Variants in HIP1 observed in about 807,000 individuals in gnomAD.
HIP1 encodes the protein huntingtin-interacting protein 1.
Under a neutral mutation model 147.6 loss-of-function variants are expected in HIP1, and 65 were observed. The ratio of observed to expected loss-of-function variants is 0.44; its 90% CI spans 0.36 to 0.54. The LOEUF (loss-of-function observed/expected upper bound fraction) is 0.54. HIP1 is among the 20% of genes least tolerant of loss of function. The pLI is 0.00. For synonymous variants in HIP1, 479 were observed against 504.0 expected, an observed-to-expected ratio of 0.95 and a Z score of 0.67; for missense variants, 1,061 against 1,299.6, an observed-to-expected ratio of 0.82 and a Z score of 2.82.
intron 1 of HIP1, among the ~76,000 whole-genome samples, chr7:75,637,338 C>T (rs535383356): frequency 3.3e-5 from 5 of 152,268 alleles, no homozygotes; most frequent in African/African-American, 1.2e-4. Context: ...TGCAGGGAAC[C>T]TGGGTGCAGG....
intron 16 of HIP1, 62 bp downstream of exon 16, chr7:75,557,592 G>T: frequency 1.6e-6 from 2 of 1,236,880 alleles, no homozygotes; most frequent in Non-Finnish European, 2.4e-6. Context: ...AGGCCACAAA[G>T]CCCCCGCCAC....
In HIP1 at chr7:75,710,670, T is replaced by C. The variant is rs533040706; in HGVS notation, c.120+28131A>G. ...TGGGAGGCTTAAGTGGGAGGATCAC[T>C]TGAGGCCAGGAGTTCAAGGCCATAG... On this transcript the variant is annotated intron_variant, in intron 1 of 30. Coordinates refer to ENST00000336926, the MANE Select transcript of HIP1 (RefSeq NM_005338.7). Among the ~76,000 whole-genome samples, 4 of 152,268 alleles carry C rather than the reference T, an allele frequency of 2.6e-5. No homozygotes were observed. In the East Asian group the frequency reaches 5.8e-4, roughly 22 times the overall value.
Position 75,538,071 on chromosome 7 carries a change from C to T in HIP1, c.*101G>A. ...GCACTGGGTAATGGCAGTGGTGTGG[C>T]TGCCCCTGGGACTCCAAGGATTTGG... is the stretch of plus-strand genomic sequence containing the variant. On this transcript the variant is annotated 3_prime_UTR_variant, in exon 31 of 31. Coordinates refer to ENST00000336926, the MANE Select transcript of HIP1 (RefSeq NM_005338.7). 1 of 925,648 alleles carries T rather than the reference C, an allele frequency of 1.1e-6. No homozygotes were observed. The highest frequency in any genetic ancestry group is 1.8e-6 in the Non-Finnish European group (1 of 553,756). The allele number at this position is 925,648 out of a possible 1,614,324, so 57.3% of individuals were successfully genotyped here.
At position 75,559,804 on chromosome 7, in the gene HIP1, C is replaced by T; in HGVS notation, c.1303G>A (p.Ala435Thr). 1.9e-6 allele frequency: 3 copies of T among 1,611,708 alleles called. No homozygotes were observed. Among genetic ancestry groups the T allele is most frequent in the African/African-American group, 2.7e-5 (2 of 74,922 alleles). The change falls in exon 14 of 31, where the codon GCA (alanine) becomes ACA (threonine). Residue 435 changes from alanine to threonine, a missense_variant. By Grantham distance (58) the Ala-to-Thr change is moderately conservative. Transcript: ENST00000336926. ...QAADDCEFLR[A>T]ELDELRRQRE... ...TGCCTCCTGAGCTCGTCCAGTTCTG[C>T]CCGCAGGAATTCACAGTCGTCGGCC...
chr7:75,563,496 A>G, intron 9 of HIP1: 2 of 539,694 alleles, frequency 3.7e-6, no homozygotes, highest in Non-Finnish European at 6.6e-6. Flanking sequence ...ATCCTTTGGA[A>G]GAGTAGATAA....
At chr7:75,595,251 T>TCTTTCTTTCTTCCTTC (rs1491144475) in intron 2 of HIP1, among the ~76,000 whole-genome samples, 28 of 59,512 alleles carry the variant, frequency 4.7e-4, no homozygotes, top group Admixed American at 5.3e-4. Context: ...TTTCTTTCTT[T>TCTTTCTTTCTTCCTTC]CTTCCTTCCT....
chr7:75,547,984 C>T (rs587618410), intron 23 of HIP1, among the ~76,000 whole-genome samples, 171 bp from the exon 24 acceptor site: 2 of 152,158 alleles, frequency 1.3e-5, no homozygotes, highest in Non-Finnish European at 2.9e-5. Flanking sequence ...AGACTCTAAC[C>T]TATTCAGGGG....
rs587747982 is a variant in HIP1, at chr7:75,568,870, G to A, written c.746-614C>T. Among the ~76,000 whole-genome samples the A allele has an allele frequency of 2.6e-3, 400 of 152,346 alleles. 1 individual carries two copies. The highest frequency in any genetic ancestry group is 5.0e-3 in the Admixed American group (76 of 15,304). On this transcript the variant is annotated intron_variant, in intron 8 of 30. Coordinates refer to ENST00000336926, the MANE Select transcript of HIP1 (RefSeq NM_005338.7). The surrounding 1 kb of genome is among the most constrained non-coding windows in gnomAD (Gnocchi z 4.1). ...CTAAAAATACAGAAATTAGCCGGGC[G>A]CGGTGGCATGCGCCTGTAATCCCAG...
chr7:75,648,948 T>G (rs1554511509), intron 1 of HIP1, among the ~76,000 whole-genome samples: 1 of 152,056 alleles, frequency 6.6e-6, no homozygotes, highest in Admixed American at 6.6e-5. Context: ...TCACTGGGAC[T>G]ACAGGTGCAT....
chr7:75,623,886 G>A (rs1478532200), intron 1 of HIP1, among the ~76,000 whole-genome samples: 1 of 152,156 alleles, frequency 6.6e-6, no homozygotes, highest in Non-Finnish European at 1.5e-5. Flanking sequence ...GGGGAGTAGT[G>A]AGACCCTATG....
chr7:75,729,867 G>T (rs1242798699), intron 1 of HIP1, among the ~76,000 whole-genome samples: 1 of 152,166 alleles, frequency 6.6e-6, no homozygotes, highest in Admixed American at 6.5e-5. Flanking sequence ...TAGAGGGCAG[G>T]CAGGATGAGA....
chr7:75,556,583 G>T (rs781970844), intron 17 of HIP1, 127 bp downstream of exon 17: 230 of 653,338 alleles, frequency 3.5e-4, no homozygotes, highest in Non-Finnish European at 5.8e-4. Flanking sequence ...TACTCGGGGG[G>T]CTAAGTGGGG....
At chr7:75,634,732 C>G (rs1266908269) in intron 1 of HIP1, among the ~76,000 whole-genome samples, 2 of 151,684 alleles carry the variant, frequency 1.3e-5, no homozygotes, top group Non-Finnish European at 2.9e-5. Flanking sequence ...TCAAAACCAG[C>G]CTGGGCAACA....
chr7:75,557,855 G>A, intron 15 of HIP1, 85 bp from the exon 16 acceptor site: 1 of 1,019,574 alleles, frequency 9.8e-7, no homozygotes, highest in Non-Finnish European at 1.5e-6. Flanking sequence ...CTCAGGCTGT[G>A]CGTGCCCTAG....
At chr7:75,604,114 AGGGGCACCATGACATAGGCT>A (rs1444523369) in intron 1 of HIP1, among the ~76,000 whole-genome samples, 1 of 152,214 alleles carries the variant, frequency 6.6e-6, no homozygotes, top group East Asian at 1.9e-4. Flanking sequence ...ACCATAGGCC[AGGGGCACCATGACATAGGCT>A]GGGGCACCAT....
At chr7:75,613,395 G>C (rs1031436336) in intron 1 of HIP1, among the ~76,000 whole-genome samples, 1 of 152,042 alleles carries the variant, frequency 6.6e-6, no homozygotes, top group Non-Finnish European at 1.5e-5. Context: ...CCCAACATCA[G>C]GGTCTTTTTA....
intron 1 of HIP1, among the ~76,000 whole-genome samples, chr7:75,694,154 G>A (rs1554518512): frequency 6.6e-6 from 1 of 151,858 alleles, no homozygotes; most frequent in African/African-American, 2.4e-5. Flanking sequence ...TCCTAACCTC[G>A]TGATCCACCC....
At chr7:75,666,979 A>AAT (rs781840616) in intron 1 of HIP1, among the ~76,000 whole-genome samples, 2 of 152,090 alleles carry the variant, frequency 1.3e-5, no homozygotes, top group Non-Finnish European at 2.9e-5. Context: ...AAGGGTTATA[A>AAT]ATATATATAT....
At chr7:75,587,784 C>T (rs184037513) in intron 4 of HIP1, among the ~76,000 whole-genome samples, 1 of 152,110 alleles carries the variant, frequency 6.6e-6, no homozygotes, top group East Asian at 1.9e-4. Context: ...GCCAACATGG[C>T]GAAACCCCAT....
Sources: gnomAD v4.1 joint callset for allele counts (sites outside exome capture counted in the v4.1 genomes callset) on GRCh38, gnomAD v4.1.1 for gene constraint, Gnocchi (gnomAD v3.1) non-coding constraint, MANE v1.5 for transcripts, NCBI Gene and HGNC (gene_info 2026-07-23, HGNC 2026-07-21) for gene names.